The following COL4A2 variants were observed in gnomAD, a reference collection of about 807,000 sequenced individuals.
COL4A2 encodes collagen type IV alpha 2 chain.
Under a neutral mutation model 200.2 loss-of-function variants are expected in COL4A2, and 99 were observed. The observed-to-expected ratio is 0.49, with a 90% CI of 0.42 to 0.58. The LOEUF (loss-of-function observed/expected upper bound fraction) is 0.58, where lower values mean the gene tolerates loss of function less well. COL4A2 is among the 20% of genes least tolerant of loss of function. COL4A2 has a pLI of 0.00. For missense variants in COL4A2, 1,950 were observed against 2,314.1 expected (o/e 0.84, Z 3.23); for synonymous variants, 897 against 900.6 (o/e 1.00, Z 0.07).
At chr13:110,398,078 T>A (rs1435914652) in intron 4 of COL4A2, among the ~76,000 whole-genome samples, 22 of 148,160 alleles carry the variant, frequency 1.5e-4, no homozygotes, top group Non-Finnish European at 1.5e-5. Flanking sequence ...AACTCAAAAA[T>A]CTAAATCAAA....
chr13:110,503,438 CGACAGAGG>C lies in COL4A2; in HGVS notation c.4096_4103del (p.Asp1366ProfsTer87). 1 of 1,586,080 alleles carries C rather than the reference CGACAGAGG, an allele frequency of 6.3e-7. No individual in the cohort carries two copies. Among genetic ancestry groups the C allele is most frequent in the Non-Finnish European group, 8.6e-7 (1 of 1,165,388 alleles). ...ACACTGGACCCACTGGGGCGGTGGG[CGACAGAGG>C]CCCCAAGGGACCCAAGGGAGACCCA... On this transcript the variant is annotated frameshift_variant, in exon 43 of 48. Coordinates refer to ENST00000360467, the MANE Select transcript of COL4A2 (RefSeq NM_001846.4). LOFTEE classifies it high-confidence loss of function.
rs186491383 is a variant in COL4A2 at position 110,491,579 on chromosome 13, C to T, written c.3454+239C>T. Among the ~76,000 whole-genome samples the T allele has an allele frequency of 2.4e-3, 363 of 152,312 alleles. 1 individual carries two copies. Among genetic ancestry groups the T allele is most frequent in the Admixed American group, 5.6e-3 (85 of 15,298 alleles). On this transcript the variant is annotated intron_variant, in intron 37 of 47. Coordinates refer to ENST00000360467, the MANE Select transcript of COL4A2 (RefSeq NM_001846.4). ...TGGGGGTGAATGAGAAGTGCCTCTT[C>T]GGTTGAGCCTCTGTCTCTCATATAG... is the stretch of plus-strand genomic sequence containing the variant.
At chr13:110,332,836 G>A (rs533120988) in intron 3 of COL4A2, among the ~76,000 whole-genome samples, 48 of 152,256 alleles carry the variant, frequency 3.2e-4, no homozygotes, top group African/African-American at 1.1e-3. Flanking sequence ...TCAAATGCAC[G>A]CTTACTTTCA....
intron 3 of COL4A2, among the ~76,000 whole-genome samples, chr13:110,348,717 A>G (rs1262059366): frequency 6.6e-6 from 1 of 152,138 alleles, no homozygotes; most frequent in East Asian, 1.9e-4. Context: ...TAACTTTTTA[A>G]CAATAGGTAA....
chr13:110,473,405 G>T (rs1882559543), intron 29 of COL4A2: 1 of 454,528 alleles, frequency 2.2e-6, no homozygotes, highest in Non-Finnish European at 3.9e-6. Flanking sequence ...GTAATCTGTT[G>T]TCAAGTTGCA....
At chr13:110,442,087 CAAAAAAAA>C (rs10530153) in intron 16 of COL4A2, among the ~76,000 whole-genome samples, 14 of 47,640 alleles carry the variant, frequency 2.9e-4, no homozygotes, top group South Asian at 1.3e-3. Context: ...CTCTCTGTCT[CAAAAAAAA>C]AAAAAAAAAA....
At chr13:110,407,213 GA>G (rs932368990) in intron 4 of COL4A2, among the ~76,000 whole-genome samples, 2 of 152,232 alleles carry the variant, frequency 1.3e-5, no homozygotes, top group Non-Finnish European at 2.9e-5. Flanking sequence ...CCTCGGGTGG[GA>G]AAGCCGGTGT....
At chr13:110,315,688 G>A (rs1035173819) in intron 3 of COL4A2, among the ~76,000 whole-genome samples, 6 of 152,156 alleles carry the variant, frequency 3.9e-5, no homozygotes, top group East Asian at 1.9e-4. Flanking sequence ...GAGCCACCAC[G>A]CCCTGCCATC....
intron 34 of COL4A2, among the ~76,000 whole-genome samples, chr13:110,486,892 TC>T (rs770422610): frequency 5.9e-5 from 9 of 152,148 alleles, no homozygotes; most frequent in Non-Finnish European, 1.3e-4. Flanking sequence ...CATTTTCACT[TC>T]TTTTGTGGTG....
chr13:110,473,363 C>G (rs1299279324), intron 29 of COL4A2: 1 of 526,804 alleles, frequency 1.9e-6, no homozygotes, highest in Non-Finnish European at 3.3e-6. Context: ...ATCTGGCCAT[C>G]TGAGAACTTT....
intron 3 of COL4A2, among the ~76,000 whole-genome samples, chr13:110,314,037 G>C (rs1423216149): frequency 1.3e-5 from 2 of 152,272 alleles, no homozygotes; most frequent in Non-Finnish European, 2.9e-5. Flanking sequence ...TCCTGGGGCG[G>C]GTCCTGGGAC....
chr13:110,369,303 G>A (rs1877897702), intron 4 of COL4A2, among the ~76,000 whole-genome samples: 1 of 152,092 alleles, frequency 6.6e-6, no homozygotes, highest in South Asian at 2.1e-4. Flanking sequence ...AATCTGAAGG[G>A]CTCCAAAATC....
chr13:110,361,296 T>C (rs1259402021), intron 4 of COL4A2, among the ~76,000 whole-genome samples: 1 of 152,226 alleles, frequency 6.6e-6, no homozygotes, highest in Non-Finnish European at 1.5e-5. Flanking sequence ...TTTGGACTGA[T>C]AGTATTTTTT....
At chr13:110,349,019 G>A (rs1357864400) in intron 3 of COL4A2, among the ~76,000 whole-genome samples, 1 of 152,146 alleles carries the variant, frequency 6.6e-6, no homozygotes, top group Non-Finnish European at 1.5e-5. Flanking sequence ...ACAATGACCA[G>A]CATTTTTTTT....
intron 4 of COL4A2, among the ~76,000 whole-genome samples, chr13:110,362,371 G>C (rs1434830790): frequency 6.6e-6 from 1 of 152,112 alleles, no homozygotes; most frequent in Non-Finnish European, 1.5e-5. Context: ...ACCAAACAAG[G>C]TGCCCGCCCC....
intron 39 of COL4A2, among the ~76,000 whole-genome samples, 156 bp from the exon 40 acceptor site, chr13:110,495,186 G>A (rs1883415777): frequency 6.6e-6 from 1 of 152,186 alleles, no homozygotes; most frequent in Non-Finnish European, 1.5e-5. Flanking sequence ...CTCAGCTCCT[G>A]TGACCTGGAG....
Position 110,307,421 on chromosome 13 carries a change from G to C in COL4A2, c.-152G>C, listed in dbSNP as rs1344942034. The C allele has an allele frequency of 4.9e-6, 1 of 204,576 alleles. No individual in the cohort carries two copies. The highest frequency in any genetic ancestry group is 9.7e-6 in the Non-Finnish European group (1 of 103,110). The allele number at this position is 204,576 out of a possible 1,614,324, so 12.7% of individuals were successfully genotyped here. On this transcript the variant is annotated 5_prime_UTR_variant, in exon 1 of 48. Transcript: ENST00000360467. This position sits in a 1 kb window ranked among gnomAD's most constrained non-coding sequence, Gnocchi z 5.0. The stretch of plus-strand genomic sequence containing the variant: ...AGGGGCCGCCCGAGCCCCCGGGGCC[G>C]GCGCCCAGAGAGCCCAGCAAGGCCG...
intron 24 of COL4A2, among the ~76,000 whole-genome samples, chr13:110,464,158 T>C (rs968687278): frequency 6.6e-6 from 1 of 152,184 alleles, no homozygotes; most frequent in Non-Finnish European, 1.5e-5. Flanking sequence ...CCTTGTGAAG[T>C]TGGTGACCAG....
At position 110,503,146 on chromosome 13, in the gene COL4A2, A is replaced by G; in HGVS notation, c.3903A>G (p.Pro1301=). Residue 1301 remains proline, a synonymous_variant, in exon 42 of 48, where the codon CCA becomes CCG. Coordinates refer to ENST00000360467, the MANE Select transcript of COL4A2 (RefSeq NM_001846.4). The stretch of plus-strand genomic sequence containing the variant: ...GTTATCGGGGCCCACCAGGGCCACC[A>G]GGTTCTGCTGCTCTTCCTGGAAGCA... ...LKGYRGPPGP[P]GSAALPGSKG... 1.2e-6 allele frequency: 2 copies of G among 1,613,854 alleles called. No homozygotes were observed. Among genetic ancestry groups the G allele is most frequent in the Non-Finnish European group, 1.7e-6 (2 of 1,179,946 alleles).
Sources: gnomAD v4.1 joint callset for allele counts (sites outside exome capture counted in the v4.1 genomes callset) on GRCh38, gnomAD v4.1.1 for gene constraint, Gnocchi (gnomAD v3.1) non-coding constraint, MANE v1.5 for transcripts, NCBI Gene and HGNC (gene_info 2026-07-23, HGNC 2026-07-21) for gene names.